Variants in CCNL2 observed in about 807,000 individuals in gnomAD.
The protein encoded by CCNL2 is cyclin-L2.
In CCNL2, 28 loss-of-function variants were observed where a neutral mutation model predicts 59.1. The observed-to-expected ratio is 0.47, with a 90% CI of 0.35 to 0.65. The LOEUF (loss-of-function observed/expected upper bound fraction) is 0.65. CCNL2 is among the 30% of genes least tolerant of loss of function. The probability of loss-of-function intolerance (pLI) is 0.00; values close to 1 mark genes in which losing one functional copy is unlikely to be tolerated. For synonymous variants in CCNL2, 342 were observed against 288.6 expected (o/e 1.19, Z -1.88); for missense variants, 714 against 717.4 (o/e 1.00, Z 0.05).
intron 5 of CCNL2, chr1:1,392,711 C>G: frequency 6.3e-7 from 1 of 1,587,836 alleles, no homozygotes; most frequent in Non-Finnish European, 8.6e-7. Context: ...GGTGGAGAGC[C>G]TGCACTGGAT....
intron 9 of CCNL2, 38 bp downstream of exon 9, chr1:1,387,916 C>T (rs1644544813): frequency 6.2e-7 from 1 of 1,613,498 alleles, no homozygotes; most frequent in South Asian, 1.1e-5. Flanking sequence ...TCCCTCCAGC[C>T]AACCCTGACA....
In CCNL2 at chr1:1,399,262, A is replaced by G. The variant is rs767674235; in HGVS notation, c.45T>C (p.Ala15=). ...CCGGGGCGCCGGCCGCTGCCGCGGG[A>G]GCTGCCGACCCTGCAGCACCAGCCG... ...AAAAGAAGSA[A]PAAAAGAPGS... is the part of the protein sequence containing the mutation. Residue 15 remains alanine, a synonymous_variant, in exon 1 of 11, where the codon GCT becomes GCC. Transcript: ENST00000400809. 8.2e-6 allele frequency: 13 copies of G among 1,576,024 alleles called. No individual in the cohort carries two copies. Among genetic ancestry groups the G allele is most frequent in the Non-Finnish European group, 9.4e-6 (11 of 1,164,884 alleles).
At chr1:1,392,701 G>A (rs1644821684) in intron 5 of CCNL2, 3 of 1,577,418 alleles carry the variant, frequency 1.9e-6, no homozygotes, top group Admixed American at 1.8e-5. Context: ...GCCAGCCTTC[G>A]GTGGAGAGCC....
At position 1,390,840 on chromosome 1, in the gene CCNL2, T is replaced by G. The variant is rs1244280292; in HGVS notation, c.685A>C (p.Thr229Pro). 1 of 1,613,986 alleles carries G rather than the reference T, an allele frequency of 6.2e-7. No homozygotes were observed. The highest frequency in any genetic ancestry group is 8.5e-7 in the Non-Finnish European group (1 of 1,180,028). ...GGCTGGAACCGCACGAAGACGTCGG[T>G]GCGAAGGCTGTCGTTCATGTAATTC... The part of the protein sequence containing the change: ...SWNYMNDSLR[T>P]DVFVRFQPES... The change falls in exon 6 of 11, where the codon ACC becomes CCC. Residue 229 changes from threonine to proline, a missense_variant. This residue lies in a region of CCNL2 where 19 missense variants were observed against 40.8 expected (regional missense o/e 0.47). Coordinates refer to ENST00000400809, the MANE Select transcript of CCNL2 (RefSeq NM_030937.6).
rs374471834 is a variant in CCNL2 at position 1,399,187 on chromosome 1, C to T, written c.120G>A (p.Arg40=). Residue 40 remains arginine, a synonymous_variant, in exon 1 of 11, where the codon AGG becomes AGA. Coordinates refer to ENST00000400809, the MANE Select transcript of CCNL2 (RefSeq NM_030937.6). The part of the protein sequence containing the change: ...SGSQGVLIGD[R]LYSGVLITLE... ...AGGTGATGAGCACCCCGGAGTACAG[C>T]CTGTCCCCGATCAGCACCCCCTGCG... The T allele has an allele frequency of 5.5e-4, 888 of 1,610,138 alleles. 18 individuals are homozygous for T. The South Asian group carries it at 6.8e-3, about 12-fold the overall frequency.
intron 6 of CCNL2, 46 bp from the exon 7 acceptor site, chr1:1,390,609 G>A (rs192467977): frequency 1.9e-5 from 29 of 1,540,526 alleles, no homozygotes; most frequent in South Asian, 1.0e-4. Context: ...TCAACTTCAC[G>A]GCCAGCAAGA....
chr1:1,393,540 A>G, intron 4 of CCNL2, 80 bp from the exon 5 acceptor site: 1 of 1,230,476 alleles, frequency 8.1e-7, no homozygotes, highest in South Asian at 1.2e-5. Context: ...CCATGCAGCA[A>G]ACAAGAGCCT....
intron 8 of CCNL2, 68 bp downstream of exon 8, chr1:1,390,162 G>T: frequency 1.4e-6 from 2 of 1,395,594 alleles, no homozygotes; most frequent in Non-Finnish European, 2.0e-6. Context: ...ACCCCAGAAT[G>T]GAGGCGGGGG....
At chr1:1,398,752 C>A in intron 1 of CCNL2, 81 bp from the exon 2 acceptor site, 1 of 1,337,452 alleles carries the variant, frequency 7.5e-7, no homozygotes, top group Admixed American at 1.7e-5. Flanking sequence ...TAACGTGGGA[C>A]TCCCCACGCA....
At chr1:1,391,530 C>T (rs970830405) in intron 5 of CCNL2, 5 of 1,304,756 alleles carry the variant, frequency 3.8e-6, no homozygotes, top group East Asian at 5.6e-5. Flanking sequence ...GGCCTCTTCT[C>T]GGGCTCATCA....
At position 1,387,190 on chromosome 1, in the gene CCNL2, C is replaced by A. The variant is rs1169439092; in HGVS notation, c.*41G>T. The A allele has an allele frequency of 1.3e-6, 2 of 1,545,752 alleles. No individual in the cohort carries two copies. Among genetic ancestry groups the A allele is most frequent in the Non-Finnish European group, 1.8e-6 (2 of 1,139,478 alleles). On this transcript the variant is annotated 3_prime_UTR_variant, in exon 11 of 11. Transcript: ENST00000400809. ...TCAAAGGGCAGCCATCAGGTACTCC[C>A]CAGGGAAGGGCTTGCGGCCACCAGT... is the stretch of plus-strand genomic sequence containing the variant.
rs1645221767 is a variant in CCNL2, at chr1:1,399,057, G to A, written c.250C>T (p.Leu84Phe). ...AGCAGGATACCGGCCGCCTGGATGA[G>A]CTCGCAGCCCACCACGCGGAGGTCG... Reference protein sequence around the residue: ...ETDLRVVGCELIQAAGILLRL... With the variant: ...ETDLRVVGCEFIQAAGILLRL... Residue 84 changes from leucine to phenylalanine, a missense_variant, in exon 1 of 11, where the codon CTC (leucine) becomes TTC (phenylalanine). By Grantham distance (22) the Leu-to-Phe change is conservative (BLOSUM62 0). Transcript: ENST00000400809. 2 of 1,608,822 alleles carry A rather than the reference G, an allele frequency of 1.2e-6. No homozygotes were observed. The highest frequency in any genetic ancestry group is 1.1e-5 in the South Asian group (1 of 90,626).
chr1:1,396,423 C>A (rs1037202793), intron 3 of CCNL2, among the ~76,000 whole-genome samples: 1 of 151,430 alleles, frequency 6.6e-6, no homozygotes, highest in Non-Finnish European at 1.5e-5. Flanking sequence ...TGCACCACCA[C>A]GACCAGCTAA....
chr1:1,399,061 G>A lies in CCNL2; in HGVS notation c.246C>T (p.Cys82=), dbSNP rs1645222017. 5 of 1,609,568 alleles carry A rather than the reference G, an allele frequency of 3.1e-6. No individual in the cohort carries two copies. The highest frequency in any genetic ancestry group is 3.4e-6 in the Non-Finnish European group (4 of 1,178,660). Reference sequence around the variant, plus strand: ...GGATACCGGCCGCCTGGATGAGCTCGCAGCCCACCACGCGGAGGTCGGTCT... The same window carrying A: ...GGATACCGGCCGCCTGGATGAGCTCACAGCCCACCACGCGGAGGTCGGTCT... ...DTETDLRVVG[C]ELIQAAGILL... is the part of the protein sequence containing the mutation. The change falls in exon 1 of 11, where the codon TGC becomes TGT. Residue 82 remains cysteine, a synonymous_variant. Transcript: ENST00000400809.
rs1175413541 is a variant in CCNL2, at chr1:1,399,036, G to A, written c.271C>T (p.Leu91=). The change falls in exon 1 of 11, where the codon CTG becomes TTG. Residue 91 remains leucine, a synonymous_variant. Transcript: ENST00000400809. ...GCCCTCACCTGCGGCAGGCGGAGCA[G>A]GATACCGGCCGCCTGGATGAGCTCG... ...GCELIQAAGI[L]LRLPQVAMAT... is the part of the protein sequence containing the mutation. 6.3e-7 allele frequency: 1 copy of A among 1,586,948 alleles called. No individual in the cohort carries two copies. Among genetic ancestry groups the A allele is most frequent in the South Asian group, 1.1e-5 (1 of 88,230 alleles).
At chr1:1,395,589 A>G (rs1644974610) in intron 3 of CCNL2, 75 bp from the exon 4 acceptor site, 1 of 1,587,250 alleles carries the variant, frequency 6.3e-7, no homozygotes, top group Admixed American at 1.7e-5. Flanking sequence ...CGTTACCTCC[A>G]ACTATGAGCA....
At chr1:1,398,724 C>T (rs757223587) in intron 1 of CCNL2, 53 bp from the exon 2 acceptor site, 72 of 1,523,472 alleles carry the variant, frequency 4.7e-5, no homozygotes, top group Non-Finnish European at 6.4e-5. Context: ...AAAGCCTTCG[C>T]GGCCGAAAGT....
Position 1,390,797 on chromosome 1 carries a change from G to T in CCNL2, c.728C>A (p.Ala243Asp), listed in dbSNP as rs746451649. 1 of 1,614,128 alleles carries T rather than the reference G, an allele frequency of 6.2e-7. No individual in the cohort carries two copies. The highest frequency in any genetic ancestry group is 1.1e-5 in the South Asian group (1 of 91,076). Residue 243 changes from alanine to aspartate, a missense_variant, in exon 6 of 11, where the codon GCC becomes GAC. Physicochemically the swap from Ala to Asp is moderately radical, Grantham distance 126. Coordinates refer to ENST00000400809, the MANE Select transcript of CCNL2 (RefSeq NM_030937.6). ...CGTCCGGGCAGCAAGATAAATGCAG[G>T]CACAGGCGATGCTCTCTGGCTGGAA... ...VRFQPESIAC[A>D]CIYLAARTLE...
chr1:1,398,788 C>T (rs1335342917), intron 1 of CCNL2, 117 bp from the exon 2 acceptor site: 3 of 1,256,516 alleles, frequency 2.4e-6, no homozygotes, highest in East Asian at 2.3e-5. Context: ...ACGCTTCCCA[C>T]GTCCACAAAG....
Sources: allele counts gnomAD v4.1 joint callset (sites outside exome capture counted in the v4.1 genomes callset), GRCh38; gene constraint gnomAD v4.1.1; regional missense constraint gnomAD v4.1.1; transcripts MANE v1.5; gene names NCBI Gene and HGNC (gene_info 2026-07-23, HGNC 2026-07-21).